Variants in ADAM12 observed in about 807,000 individuals in gnomAD.
The protein encoded by ADAM12 is disintegrin and metalloproteinase domain-containing protein 12.
In ADAM12, 70 loss-of-function variants were observed where a neutral mutation model predicts 106.4. That is an observed-to-expected ratio of 0.66 (90% CI 0.54 to 0.80). The LOEUF (loss-of-function observed/expected upper bound fraction) is 0.80. Ranked by LOEUF, ADAM12 falls within the 30% of genes least tolerant of loss-of-function variation. The pLI is 0.00. For missense variants in ADAM12, 1,010 were observed against 1,171.9 expected, an observed-to-expected ratio of 0.86 and a Z score of 2.02; for synonymous variants, 420 against 433.5, an observed-to-expected ratio of 0.97 and a Z score of 0.39.
At chr10:126,107,349 G>C (rs1210568717) in intron 8 of ADAM12, among the ~76,000 whole-genome samples, 1 of 152,102 alleles carries the variant, frequency 6.6e-6, no homozygotes, top group Non-Finnish European at 1.5e-5. Flanking sequence ...TGTGTGGGTT[G>C]CATGTCTGCT....
Position 126,043,694 on chromosome 10 carries a change from T to A in ADAM12, c.1996-546A>T, listed in dbSNP as rs1322587407. Among the ~76,000 whole-genome samples the A allele has an allele frequency of 1.3e-5, 2 of 152,152 alleles. No individual in the cohort carries two copies. The highest frequency in any genetic ancestry group is 3.9e-4 in the East Asian group (2 of 5,194). ...AGCAAAGGAATCCTGTTTCCTGCAA[T>A]CCTAGCAGGGTGCATGGGATTTCCA... On this transcript the variant is annotated intron_variant, in intron 17 of 22. Coordinates refer to ENST00000448723, the MANE Select transcript of ADAM12 (RefSeq NM_001288973.2). This position sits in a 1 kb window ranked among gnomAD's most constrained non-coding sequence, Gnocchi z 4.1.
At chr10:126,365,443 G>GGT (rs1168633165) in intron 1 of ADAM12, among the ~76,000 whole-genome samples, 2 of 152,118 alleles carry the variant, frequency 1.3e-5, no homozygotes, top group Admixed American at 1.3e-4. Context: ...AACATAAAGG[G>GGT]GTGTATCAGT....
chr10:126,271,015 G>C (rs1213707835), intron 3 of ADAM12, among the ~76,000 whole-genome samples: 1 of 152,162 alleles, frequency 6.6e-6, no homozygotes, highest in African/African-American at 2.4e-5. Flanking sequence ...ACTGGTCAGC[G>C]GCAAACATCC....
chr10:126,259,972 C>A (rs1958968279), intron 3 of ADAM12, among the ~76,000 whole-genome samples: 1 of 152,142 alleles, frequency 6.6e-6, no homozygotes, highest in Admixed American at 6.5e-5. Flanking sequence ...CTCTTGAGTT[C>A]CGTCAAGAAT....
chr10:126,086,708 A>ATATATATATATAT (rs1955364125), intron 11 of ADAM12, among the ~76,000 whole-genome samples: 4 of 73,582 alleles, frequency 5.4e-5, no homozygotes, highest in African/African-American at 2.0e-4. Context: ...TATATATATA[A>ATATATATATATAT]AATAAAATAG....
intron 3 of ADAM12, among the ~76,000 whole-genome samples, chr10:126,155,788 G>A (rs900888171): frequency 2.0e-5 from 3 of 152,154 alleles, no homozygotes. Context: ...CTCCCCCGCA[G>A]GTGAGAGAAC....
intron 16 of ADAM12, among the ~76,000 whole-genome samples, chr10:126,047,450 C>T (rs931362674): frequency 1.3e-5 from 2 of 152,136 alleles, no homozygotes; most frequent in Non-Finnish European, 2.9e-5. Flanking sequence ...GGAATCACTG[C>T]GGATCCCTGA....
chr10:126,342,918 G>A (rs978474286), intron 1 of ADAM12, among the ~76,000 whole-genome samples: 2 of 151,882 alleles, frequency 1.3e-5, no homozygotes, highest in Admixed American at 6.6e-5. Context: ...AGGGAGGGTG[G>A]AGGGGTGGGG....
chr10:126,042,962 C>G (rs1954214563), intron 18 of ADAM12, 78 bp downstream of exon 18: 2 of 1,390,038 alleles, frequency 1.4e-6, no homozygotes, highest in Admixed American at 4.0e-5. Context: ...TCTACCTGCA[C>G]CCATGCTGAC....
intron 19 of ADAM12, 123 bp downstream of exon 19, chr10:126,039,171 T>C: frequency 8.4e-7 from 1 of 1,185,232 alleles, no homozygotes; most frequent in Non-Finnish European, 1.2e-6. Context: ...GTGGTCTCGA[T>C]CTCCTGACCT....
At chr10:126,255,832 G>A (rs1300080823) in intron 3 of ADAM12, among the ~76,000 whole-genome samples, 6 of 152,306 alleles carry the variant, frequency 3.9e-5, no homozygotes, top group African/African-American at 1.2e-4. Context: ...GCAGACAGCC[G>A]AGGCACACGC....
intron 11 of ADAM12, among the ~76,000 whole-genome samples, chr10:126,082,406 T>A (rs1048508439): frequency 1.4e-5 from 2 of 143,672 alleles, no homozygotes; most frequent in African/African-American, 5.2e-5. Flanking sequence ...TTTCGCTCTG[T>A]AGCCCAGGTT....
chr10:126,177,866 G>C (rs1957246897), intron 3 of ADAM12, among the ~76,000 whole-genome samples: 1 of 152,178 alleles, frequency 6.6e-6, no homozygotes, highest in Non-Finnish European at 1.5e-5. Flanking sequence ...AGAAAGGAAG[G>C]CTTTGCATTT....
chr10:126,120,965 TATATTAC>T (rs1227342536), intron 5 of ADAM12, among the ~76,000 whole-genome samples: 2 of 132,270 alleles, frequency 1.5e-5, no homozygotes, highest in African/African-American at 6.0e-5. Context: ...ATATATATTA[TATATTAC>T]ATATGCAATA....
intron 2 of ADAM12, among the ~76,000 whole-genome samples, chr10:126,285,815 G>A (rs760113826): frequency 1.3e-5 from 2 of 152,192 alleles, no homozygotes; most frequent in South Asian, 2.1e-4. Flanking sequence ...AGACGGGTGC[G>A]GCCAGGACCC....
At chr10:126,018,860 C>A (rs575083272) in intron 22 of ADAM12, among the ~76,000 whole-genome samples, 1 of 152,332 alleles carries the variant, frequency 6.6e-6, no homozygotes, top group Non-Finnish European at 1.5e-5. Context: ...CTTTCCCTTA[C>A]TCCCCATATG....
intron 1 of ADAM12, among the ~76,000 whole-genome samples, chr10:126,361,004 C>T (rs1258358316): frequency 6.6e-6 from 1 of 152,148 alleles, no homozygotes; most frequent in Non-Finnish European, 1.5e-5. Context: ...AGAGGTTGTG[C>T]AGGGAAACTC....
At chr10:126,145,324 C>T (rs1956605559) in intron 4 of ADAM12, 1 of 152,322 alleles carries the variant, frequency 6.6e-6, no homozygotes, top group Non-Finnish European at 1.5e-5. Context: ...CAAGAGCATT[C>T]TCTAGGTGTC....
intron 3 of ADAM12, among the ~76,000 whole-genome samples, chr10:126,237,678 G>A (rs1364469634): frequency 2.6e-5 from 4 of 152,098 alleles, no homozygotes; most frequent in Non-Finnish European, 5.9e-5. Flanking sequence ...GTTATAGGTA[G>A]AGCCTAAATG....
Sources: gnomAD v4.1 joint callset for allele counts (sites outside exome capture counted in the v4.1 genomes callset) on GRCh38, gnomAD v4.1.1 for gene constraint, Gnocchi (gnomAD v3.1) non-coding constraint, MANE v1.5 for transcripts, NCBI Gene and HGNC (gene_info 2026-07-23, HGNC 2026-07-21) for gene names.